Variants in CNTN6 observed in about 807,000 individuals in gnomAD.
CNTN6 encodes the protein contactin 6.
Under a neutral mutation model 122.8 loss-of-function variants are expected in CNTN6, and 137 were observed. The observed-to-expected ratio is 1.12, with a 90% CI of 0.97 to 1.29. The LOEUF is 1.29. Among genes scored for constraint, CNTN6 ranks in the 50% most tolerant of loss-of-function variants. The pLI is 0.00. For missense variants in CNTN6, 1,634 were observed against 1,223.4 expected (o/e 1.34, Z -5.01); for synonymous variants, 570 against 426.0 (o/e 1.34, Z -4.16).
At chr3:1,275,791 C>G (rs1476475790) in intron 4 of CNTN6, among the ~76,000 whole-genome samples, 1 of 129,206 alleles carries the variant, frequency 7.7e-6, no homozygotes, top group Non-Finnish European at 1.8e-5. Flanking sequence ...TCTAATGCCA[C>G]TGCTGATCTA....
intron 4 of CNTN6, among the ~76,000 whole-genome samples, chr3:1,241,895 G>C (rs897808904): frequency 2.0e-5 from 3 of 152,192 alleles, no homozygotes; most frequent in Admixed American, 2.0e-4. Context: ...GCCGCTGCAC[G>C]CAGACATGAG....
intron 2 of CNTN6, among the ~76,000 whole-genome samples, chr3:1,197,960 A>C (rs931128829): frequency 4.6e-5 from 7 of 152,178 alleles, no homozygotes; most frequent in African/African-American, 1.4e-4. Context: ...TAAAAAAATT[A>C]CTTTGACAGT....
intron 2 of CNTN6, among the ~76,000 whole-genome samples, chr3:1,174,938 A>G (rs1396661562): frequency 2.0e-5 from 3 of 152,174 alleles, no homozygotes; most frequent in Non-Finnish European, 4.4e-5. Flanking sequence ...TAATCAGTGT[A>G]TTAAAACAAA....
At chr3:1,298,165 A>T in intron 7 of CNTN6, 174 bp downstream of exon 7, 1 of 558,496 alleles carries the variant, frequency 1.8e-6, no homozygotes, top group Non-Finnish European at 3.2e-6. Flanking sequence ...TACTGAGACA[A>T]TGACCAGGCC....
At chr3:1,155,517 GA>G (rs1029500813) in intron 2 of CNTN6, among the ~76,000 whole-genome samples, 3 of 151,942 alleles carry the variant, frequency 2.0e-5, no homozygotes, top group Non-Finnish European at 2.9e-5. Context: ...GCTGTATACT[GA>G]AAGTAGAAAG....
chr3:1,385,794 T>C lies in CNTN6; in HGVS notation c.2701T>C (p.Ser901Pro). Residue 901 changes from serine to proline, a missense_variant, in exon 20 of 23, where the codon TCT (serine) becomes CCT (proline). Coordinates refer to ENST00000446702, the MANE Select transcript of CNTN6 (RefSeq NM_001289080.2). Reference sequence around the variant, plus strand: ...CCCAGTCAATGTTACCACCAAAAAGTCTCGTAAGTATGCATACACTCCAGG... The same window carrying C: ...CCCAGTCAATGTTACCACCAAAAAGCCTCGTAAGTATGCATACACTCCAGG... Reference protein sequence around the residue: ...SPPVNVTTKKSPPSQPPANIA... With the variant: ...SPPVNVTTKKPPPSQPPANIA... The C allele has an allele frequency of 6.2e-7, 1 of 1,608,756 alleles. No homozygotes were observed. The highest frequency in any genetic ancestry group is 1.3e-5 in the African/African-American group (1 of 74,650).
intron 11 of CNTN6, among the ~76,000 whole-genome samples, chr3:1,345,542 A>C (rs2126052499): frequency 6.6e-6 from 1 of 152,308 alleles, no homozygotes; most frequent in African/African-American, 2.4e-5. Flanking sequence ...GTTTGTTAAA[A>C]TAAGAAATTT....
rs200109559 is a variant in CNTN6, at chr3:1,402,503, T to C, written c.2986+17T>C. ...AAATGTCAAGTAAGTTGAGTCACCA[T>C]TGCTGTAGTAGATTCTGAACCTAGA... On this transcript the variant is annotated intron_variant, in intron 22 of 22. Coordinates refer to ENST00000446702, the MANE Select transcript of CNTN6 (RefSeq NM_001289080.2). The C allele has an allele frequency of 2.5e-6, 4 of 1,598,246 alleles. No homozygotes were observed. Among genetic ancestry groups the C allele is most frequent in the East Asian group, 4.5e-5 (2 of 44,594 alleles).
In CNTN6 at chr3:1,385,682, C is replaced by T. The variant is rs1692776909; in HGVS notation, c.2589C>T (p.Thr863=). 1 of 1,613,958 alleles carries T rather than the reference C, an allele frequency of 6.2e-7. No homozygotes were observed. The highest frequency in any genetic ancestry group is 1.7e-5 in the Admixed American group (1 of 60,016). The change falls in exon 20 of 23, where the codon ACC becomes ACT. Residue 863 remains threonine (T), a synonymous_variant. Coordinates refer to ENST00000446702, the MANE Select transcript of CNTN6 (RefSeq NM_001289080.2). The stretch of plus-strand genomic sequence containing the variant: ...TTAGAGTCAGTGGAAATGTCACAAC[C>T]AAAAACATCACGGGGCTGAAAGCTA... The part of the protein sequence containing the change: ...GKIRVSGNVT[T]KNITGLKANT...
chr3:1,332,214 C>T (rs187041818), intron 11 of CNTN6, among the ~76,000 whole-genome samples: 14 of 152,008 alleles, frequency 9.2e-5, no homozygotes, highest in African/African-American at 2.7e-4. Flanking sequence ...CATCTCCACC[C>T]GGTAGAGATT....
At chr3:1,182,842 A>G (rs1388648347) in intron 2 of CNTN6, among the ~76,000 whole-genome samples, 1 of 152,134 alleles carries the variant, frequency 6.6e-6, no homozygotes, top group Admixed American at 6.6e-5. Flanking sequence ...TGCATGAACA[A>G]TTTAATTTCT....
chr3:1,177,555 A>G (rs1328780885), intron 2 of CNTN6, among the ~76,000 whole-genome samples: 7 of 152,158 alleles, frequency 4.6e-5, no homozygotes, highest in Non-Finnish European at 1.0e-4. Context: ...TTTTTAAAAT[A>G]TATTTCAAGT....
At chr3:1,272,366 C>G (rs1323174756) in intron 4 of CNTN6, among the ~76,000 whole-genome samples, 1 of 152,116 alleles carries the variant, frequency 6.6e-6, no homozygotes, top group Non-Finnish European at 1.5e-5. Context: ...ATGAAAGTGA[C>G]AATGGTACAG....
chr3:1,386,130 T>C lies in CNTN6; in HGVS notation c.2704+333T>C, dbSNP rs924973976. On this transcript the variant is annotated intron_variant, in intron 20 of 22. Coordinates refer to ENST00000446702, the MANE Select transcript of CNTN6 (RefSeq NM_001289080.2). ...TTGGAACGTTAGGTGGTATTTATCT[T>C]TGAGTCTCAGTTGCCTACCTATAAA... 2.0e-5 allele frequency among the ~76,000 whole-genome samples: 3 copies of C among 152,198 alleles called. No homozygotes were observed. The South Asian group carries it at 6.2e-4, about 31-fold the overall frequency.
At chr3:1,166,390 G>T (rs2093249178) in intron 2 of CNTN6, among the ~76,000 whole-genome samples, 1 of 152,102 alleles carries the variant, frequency 6.6e-6, no homozygotes, top group African/African-American at 2.4e-5. Context: ...CCTGCATTTT[G>T]CCAAACACAA....
At chr3:1,312,164 CTT>C (rs1467094586) in intron 7 of CNTN6, among the ~76,000 whole-genome samples, 1 of 152,080 alleles carries the variant, frequency 6.6e-6, no homozygotes, top group East Asian at 1.9e-4. Flanking sequence ...AAGTTGGCCT[CTT>C]TTAATCTTAA....
At chr3:1,109,051 G>A (rs549434344) in intron 1 of CNTN6, among the ~76,000 whole-genome samples, 3 of 152,116 alleles carry the variant, frequency 2.0e-5, no homozygotes, top group African/African-American at 7.2e-5. Context: ...TGTGGCAAAA[G>A]AGAAGAAAGT....
chr3:1,292,374 T>C (rs1189535509), intron 5 of CNTN6, among the ~76,000 whole-genome samples: 1 of 152,174 alleles, frequency 6.6e-6, no homozygotes, highest in East Asian at 1.9e-4. Flanking sequence ...ACATTTTATT[T>C]TTTATCTCTT....
At position 1,237,592 on chromosome 3, in the gene CNTN6, T is replaced by C. The variant is rs578089540; in HGVS notation, c.358+9599T>C. Among the ~76,000 whole-genome samples, 33 of 152,270 alleles carry C rather than the reference T, an allele frequency of 2.2e-4. No homozygotes were observed. The South Asian group carries it at 6.8e-3, about 32-fold the overall frequency. On this transcript the variant is annotated intron_variant, in intron 4 of 22. Transcript: ENST00000446702. The stretch of plus-strand genomic sequence containing the variant: ...ACAAAAAGATAATCACCTAGGCATA[T>C]AGTCATTAGGTTATCTAAAGTTGAG...
Sources: gnomAD v4.1 joint callset for allele counts (sites outside exome capture counted in the v4.1 genomes callset) on GRCh38, gnomAD v4.1.1 for gene constraint, MANE v1.5 for transcripts, NCBI Gene and HGNC (gene_info 2026-07-23, HGNC 2026-07-21) for gene names.